Variants in EIF2D observed in about 807,000 individuals in gnomAD.
EIF2D encodes eukaryotic translation initiation factor 2D.
Under a neutral mutation model 77.4 loss-of-function variants are expected in EIF2D, and 56 were observed. That is an observed-to-expected ratio of 0.72 (90% CI 0.58 to 0.90). EIF2D has a LOEUF of 0.90. Ranked by LOEUF, EIF2D falls within the 40% of genes least tolerant of loss-of-function variation. The pLI, the probability that EIF2D is intolerant of heterozygous loss-of-function variation, is 0.00. For missense variants in EIF2D, 574 were observed against 706.5 expected (o/e 0.81, Z 2.13); for synonymous variants, 230 against 271.0 (o/e 0.85, Z 1.49).
intron 1 of EIF2D, among the ~76,000 whole-genome samples, chr1:206,611,935 G>C (rs1670515735): frequency 6.6e-6 from 1 of 152,062 alleles, no homozygotes; most frequent in African/African-American, 2.4e-5. Flanking sequence ...TTTAATTCTT[G>C]GTATCCCATC....
At chr1:206,572,168 G>A (rs1487266521) in intron 5 of EIF2D, among the ~76,000 whole-genome samples, 1 of 151,412 alleles carries the variant, frequency 6.6e-6, no homozygotes, top group African/African-American at 2.4e-5. Context: ...CATTTATTTT[G>A]GGGTTTAGGG....
intron 5 of EIF2D, among the ~76,000 whole-genome samples, chr1:206,603,837 A>T (rs1437749130): frequency 1.3e-5 from 2 of 152,276 alleles, no homozygotes; most frequent in Admixed American, 6.5e-5. Context: ...AGCCAACATT[A>T]TGCAAATCAA....
chr1:206,575,797 G>A (rs576572165), intron 4 of EIF2D, among the ~76,000 whole-genome samples: 1 of 152,342 alleles, frequency 6.6e-6, no homozygotes, highest in South Asian at 2.1e-4. Context: ...GACGTCACAG[G>A]TCATTTGATG....
intron 2 of EIF2D, among the ~76,000 whole-genome samples, chr1:206,581,635 G>A (rs1668882213): frequency 6.6e-6 from 1 of 151,438 alleles, no homozygotes; most frequent in South Asian, 2.1e-4. Context: ...AGAGAGAGGG[G>A]GGAGAGAGAG....
At chr1:206,604,009 C>A (rs959477911) in intron 5 of EIF2D, among the ~76,000 whole-genome samples, 1 of 152,188 alleles carries the variant, frequency 6.6e-6, no homozygotes, top group Non-Finnish European at 1.5e-5. Flanking sequence ...CTTAGACAAC[C>A]TGACCTTGAT....
At chr1:206,604,403 A>G (rs1344035593) in intron 5 of EIF2D, among the ~76,000 whole-genome samples, 4 of 151,340 alleles carry the variant, frequency 2.6e-5, no homozygotes, top group Non-Finnish European at 5.9e-5. Flanking sequence ...AGATTGCGCC[A>G]CTGCACTCCA....
chr1:206,587,642 A>T (rs1553407975), downstream of EIF2D: 1 of 154,118 alleles, frequency 6.5e-6, no homozygotes, highest in African/African-American at 2.4e-5. Context: ...GCCCTGGCCC[A>T]CATTGCACAT....
intron 4 of EIF2D, 77 bp from the exon 5 acceptor site, chr1:206,605,584 C>G: frequency 7.9e-7 from 1 of 1,272,870 alleles, no homozygotes; most frequent in Non-Finnish European, 1.1e-6. Context: ...TCTTCTGACA[C>G]ATGTGGTAAA....
chr1:206,599,748 T>G lies in EIF2D; in HGVS notation c.1037A>C (p.Asp346Ala). The change falls in exon 9 of 15, where the codon GAC becomes GCC. Residue 346 changes from aspartate (D) to alanine (A), a missense_variant. Coordinates refer to ENST00000271764, the MANE Select transcript of EIF2D (RefSeq NM_006893.3). The surrounding 1 kb of genome is among the most constrained non-coding windows in gnomAD (Gnocchi z 4.1). ...SKGVESIVAV[D>A]WKHPRITSFV... is the part of the protein sequence containing the mutation. ...CTGCACTCACCTCGGGTGTTTCCAG[T>G]CCACAGCCACAATGCTCTCCACCCC... The G allele has an allele frequency of 6.2e-7, 1 of 1,614,118 alleles. No individual in the cohort carries two copies. Among genetic ancestry groups the G allele is most frequent in the Non-Finnish European group, 8.5e-7 (1 of 1,180,006 alleles).
Position 206,579,476 on chromosome 1 carries a change from G to A in EIF2D, c.*254+1216C>T, listed in dbSNP as rs982701103. Among the ~76,000 whole-genome samples the A allele has an allele frequency of 6.6e-6, 1 of 152,204 alleles. No individual in the cohort carries two copies. Among genetic ancestry groups the A allele is most frequent in the South Asian group, 2.1e-4 (1 of 4,832 alleles). On this transcript the variant is annotated intron_variant and NMD_transcript_variant, in intron 4 of 5. Coordinates refer to the EIF2D transcript ENST00000472709. The surrounding 1 kb of genome is among the most constrained non-coding windows in gnomAD (Gnocchi z 4.2). Reference sequence around the variant, plus strand: ...GTCTTATCCTCTGAAGATTGCTATAGTATCGATCTCGCTCTCATGGCAGAT... The same window carrying A: ...GTCTTATCCTCTGAAGATTGCTATAATATCGATCTCGCTCTCATGGCAGAT...
Position 206,605,505 on chromosome 1 carries a change from G to T in EIF2D, c.425C>A (p.Ala142Asp). Residue 142 changes from alanine to aspartate, a missense_variant and splice_region_variant, in exon 5 of 15, where the codon GCC becomes GAC. Ala to Asp is a moderately radical substitution (Grantham distance 126, BLOSUM62 -2). Transcript: ENST00000271764. ...GGCTGCAACTCCAATGGCTACAGGG[G>T]CTCTAAGAAGAAGGAAGCCAGAGAC... ...LCAISLVGNRAPVAIGVAAMS... is the reference protein window; with the variant it reads ...LCAISLVGNRDPVAIGVAAMS... 3 of 1,613,612 alleles carry T rather than the reference G, an allele frequency of 1.9e-6. No individual in the cohort carries two copies. The highest frequency in any genetic ancestry group is 3.3e-5 in the Admixed American group (2 of 59,994).
chr1:206,600,009 C>T (rs924862243), intron 8 of EIF2D, among the ~76,000 whole-genome samples, 173 bp from the exon 9 acceptor site: 2 of 152,172 alleles, frequency 1.3e-5, no homozygotes, highest in African/African-American at 4.8e-5. Context: ...GAGCAAGAAG[C>T]TGCTAGAGAC....
At chr1:206,582,985 C>T (rs150461649) in intron 2 of EIF2D, 100 of 295,626 alleles carry the variant, frequency 3.4e-4, no homozygotes, top group African/African-American at 2.1e-3. Flanking sequence ...CGCTTTCACA[C>T]TAATCTCAAG....
rs535193574 is a variant in EIF2D, at chr1:206,599,348, G to A, written c.1202+115C>T. Reference sequence around the variant, plus strand: ...GCTGGAAGCTGGATTTTGGAGAAGGGGAGAACAGGGGCAGAGCAGGTTTTG... The same window carrying A: ...GCTGGAAGCTGGATTTTGGAGAAGGAGAGAACAGGGGCAGAGCAGGTTTTG... On this transcript the variant is annotated intron_variant, in intron 10 of 14. Transcript: ENST00000271764. The surrounding 1 kb of genome is among the most constrained non-coding windows in gnomAD (Gnocchi z 4.1). The A allele has an allele frequency of 1.5e-6, 2 of 1,373,220 alleles. No homozygotes were observed. The highest frequency in any genetic ancestry group is 2.3e-5 in the East Asian group (1 of 43,734). 85.1% of individuals were successfully genotyped at this position (1,373,220 alleles called of 1,614,324 possible). A position where few individuals can be genotyped will look rare whatever the true frequency, so the allele number is the denominator to read the frequency against.
chr1:206,608,469 ACTTCC>A, intron 3 of EIF2D, 143 bp from the exon 4 acceptor site: 1 of 665,044 alleles, frequency 1.5e-6, no homozygotes. Flanking sequence ...AAAAATGGCA[ACTTCC>A]AACAAAAAAA....
intron 5 of EIF2D, chr1:206,604,855 T>C (rs1670112939): frequency 6.6e-6 from 1 of 152,158 alleles, no homozygotes; most frequent in South Asian, 2.1e-4. Context: ...CTGCTTACTG[T>C]TTTGCTAAAA....
intron 4 of EIF2D, 35 bp downstream of exon 4, chr1:206,608,201 T>C (rs1297483512): frequency 1.3e-6 from 2 of 1,589,970 alleles, no homozygotes; most frequent in Non-Finnish European, 1.7e-6. Flanking sequence ...TTACACAAGT[T>C]TTTCCCCCAA....
In EIF2D at chr1:206,584,757, G is replaced by A. The variant is rs782637226; in HGVS notation, c.139-3595C>T. The A allele has an allele frequency of 7.2e-6, 11 of 1,533,222 alleles. No individual in the cohort carries two copies. In the Admixed American group the frequency reaches 2.0e-4, roughly 28 times the overall value. 95.0% of individuals were successfully genotyped at this position (1,533,222 alleles called of 1,614,324 possible). ...TCCAAGCCCACCCACTAAAACTCCT[G>A]CCGGCCTTGGGTGGGAGCTGTGGGC... On this transcript the variant is annotated intron_variant and NMD_transcript_variant, in intron 2 of 5. Coordinates refer to the EIF2D transcript ENST00000472709. This position sits in a 1 kb window ranked among gnomAD's most constrained non-coding sequence, Gnocchi z 4.9.
chr1:206,593,510 T>TGTGTGTGTGCGTGTGTGC, intron 14 of EIF2D, 109 bp downstream of exon 14: 1 of 294,352 alleles, frequency 3.4e-6, no homozygotes, highest in Non-Finnish European at 6.0e-6. Flanking sequence ...AGAGAGAGAG[T>TGTGTGTGTGCGTGTGTGC]GTGTGTGTGT....
Sources: gnomAD v4.1 joint callset for allele counts (sites outside exome capture counted in the v4.1 genomes callset) on GRCh38, gnomAD v4.1.1 for gene constraint, Gnocchi (gnomAD v3.1) non-coding constraint, MANE v1.5 for transcripts, NCBI Gene and HGNC (gene_info 2026-07-23, HGNC 2026-07-21) for gene names.